XPR1: variants seen among roughly 807,000 people sequenced by gnomAD.
The protein encoded by XPR1 is xenotropic and polytropic retrovirus receptor 1, also known as solute carrier family 53 member 1.
A neutral mutation model predicts 87.5 loss-of-function variants in XPR1; 28 were observed. That is an observed-to-expected ratio of 0.32 (90% CI 0.24 to 0.44). The LOEUF (loss-of-function observed/expected upper bound fraction) is 0.44. XPR1 is among the 20% of genes least tolerant of loss of function. The probability of loss-of-function intolerance (pLI) is 1.00; values close to 1 mark genes in which losing one functional copy is unlikely to be tolerated. For missense variants in XPR1, 559 were observed against 862.3 expected (o/e 0.65, Z 4.41); for synonymous variants, 300 against 306.1 (o/e 0.98, Z 0.21).
At chr1:180,643,693 T>G (rs768997891) in intron 1 of XPR1, among the ~76,000 whole-genome samples, 2 of 152,194 alleles carry the variant, frequency 1.3e-5, no homozygotes, top group Non-Finnish European at 2.9e-5. Flanking sequence ...GTTAAGATAA[T>G]GAACCTAGGT....
intron 9 of XPR1, among the ~76,000 whole-genome samples, chr1:180,831,318 T>A (rs1371734851): frequency 6.6e-6 from 1 of 151,936 alleles, no homozygotes; most frequent in African/African-American, 2.4e-5. Context: ...TGCTTTCAAA[T>A]TCAACTCTTC....
chr1:180,730,728 A>G (rs191162155), intron 2 of XPR1, among the ~76,000 whole-genome samples: 46 of 152,256 alleles, frequency 3.0e-4, no homozygotes, highest in Admixed American at 1.2e-3. Context: ...CAGTGGCACA[A>G]TCACAGCTCA....
At chr1:180,719,233 G>GT (rs1379804548) in intron 2 of XPR1, among the ~76,000 whole-genome samples, 1 of 152,018 alleles carries the variant, frequency 6.6e-6, no homozygotes, top group African/African-American at 2.4e-5. Context: ...CTAGTTAAAT[G>GT]TTTATGTGAT....
At chr1:180,866,290 A>G (rs2102211408) in intron 12 of XPR1, among the ~76,000 whole-genome samples, 1 of 152,334 alleles carries the variant, frequency 6.6e-6, no homozygotes, top group East Asian at 1.9e-4. Context: ...AAAAGTGTGG[A>G]ATCCAGTGGA....
intron 11 of XPR1, among the ~76,000 whole-genome samples, chr1:180,863,063 A>T (rs1277298081): frequency 6.6e-6 from 1 of 152,146 alleles, no homozygotes; most frequent in East Asian, 1.9e-4. Context: ...TAGTGTTCCC[A>T]GCAAATTAGG....
intron 1 of XPR1, among the ~76,000 whole-genome samples, chr1:180,668,865 A>G (rs951512880): frequency 6.6e-6 from 1 of 152,004 alleles, no homozygotes; most frequent in Non-Finnish European, 1.5e-5. Context: ...CGAGGTGGGT[A>G]GATCACTTGA....
chr1:180,769,337 A>G (rs1648408499), intron 2 of XPR1, among the ~76,000 whole-genome samples: 1 of 151,822 alleles, frequency 6.6e-6, no homozygotes, highest in Non-Finnish European at 1.5e-5. Flanking sequence ...TTGCTATCAA[A>G]TAGTAGGTCT....
intron 11 of XPR1, among the ~76,000 whole-genome samples, chr1:180,862,637 C>G (rs1011771890): frequency 1.3e-5 from 2 of 152,068 alleles, no homozygotes; most frequent in Non-Finnish European, 2.9e-5. Flanking sequence ...GTTTCACTCT[C>G]TAGATTATAA....
intron 2 of XPR1, among the ~76,000 whole-genome samples, chr1:180,688,988 A>C (rs2101954582): frequency 6.6e-6 from 1 of 152,322 alleles, no homozygotes; most frequent in East Asian, 1.9e-4. Flanking sequence ...GGAAAGCTTC[A>C]AACTTCATTT....
chr1:180,678,314 A>C (rs1656432010), intron 1 of XPR1, among the ~76,000 whole-genome samples: 1 of 151,862 alleles, frequency 6.6e-6, no homozygotes, highest in Admixed American at 6.6e-5. Context: ...TGGGGCTGAA[A>C]GTTCTAATCC....
In XPR1 at chr1:180,813,339, T is replaced by C. The variant is rs546592786; in HGVS notation, c.763+1851T>C. On this transcript the variant is annotated intron_variant, in intron 7 of 14. Transcript: ENST00000367590. ...TCTACCTAGCTTATTTCATCACTTG[T>C]CTGTATTCAAATGCTACATTCTTAG... Among the ~76,000 whole-genome samples the C allele has an allele frequency of 2.6e-5, 4 of 152,314 alleles. No homozygotes were observed. The South Asian group carries it at 8.3e-4, about 32-fold the overall frequency.
intron 5 of XPR1, 29 bp downstream of exon 5, chr1:180,806,240 A>G: frequency 6.2e-7 from 1 of 1,600,470 alleles, no homozygotes; most frequent in Non-Finnish European, 8.5e-7. Flanking sequence ...TTTACAACGT[A>G]TTTTCAGTTA....
At chr1:180,675,207 C>T (rs1206926743) in intron 1 of XPR1, among the ~76,000 whole-genome samples, 1 of 152,058 alleles carries the variant, frequency 6.6e-6, no homozygotes, top group Non-Finnish European at 1.5e-5. Flanking sequence ...GTGTCTTTCT[C>T]CAAAGATAAT....
At chr1:180,762,105 A>G (rs1180462948) in intron 2 of XPR1, among the ~76,000 whole-genome samples, 2 of 120,310 alleles carry the variant, frequency 1.7e-5, no homozygotes, top group East Asian at 5.5e-4. Context: ...GGATCATCAC[A>G]CTCTGGGGAC....
At chr1:180,693,221 G>C (rs768758391) in intron 2 of XPR1, among the ~76,000 whole-genome samples, 3 of 152,212 alleles carry the variant, frequency 2.0e-5, no homozygotes, top group Non-Finnish European at 2.9e-5. Context: ...AAAGTTGGCA[G>C]AGTTCAAAGT....
chr1:180,748,398 G>GTTTTTTTTTTTTTTTT (rs1647361887), intron 2 of XPR1, among the ~76,000 whole-genome samples: 1 of 56,076 alleles, frequency 1.8e-5, no homozygotes, highest in Non-Finnish European at 3.9e-5. Context: ...TATTATTTAT[G>GTTTTTTTTTTTTTTTT]TCTTTTTTTT....
At chr1:180,652,108 A>G (rs548451024) in intron 1 of XPR1, among the ~76,000 whole-genome samples, 1 of 152,294 alleles carries the variant, frequency 6.6e-6, no homozygotes, top group Non-Finnish European at 1.5e-5. Flanking sequence ...CCTGGTCAAC[A>G]TGGTGAAACC....
At chr1:180,876,627 C>A (rs1399274979) in intron 13 of XPR1, among the ~76,000 whole-genome samples, 3 of 149,692 alleles carry the variant, frequency 2.0e-5, no homozygotes, top group Admixed American at 2.0e-4. Flanking sequence ...CAGAGGGAGA[C>A]CCTGTCTCAA....
In XPR1 at chr1:180,886,028, C is replaced by G. The variant is rs1652997155; in HGVS notation, c.*1962C>G. The G allele has an allele frequency of 6.6e-6, 1 of 151,910 alleles. No individual in the cohort carries two copies. Among genetic ancestry groups the G allele is most frequent in the African/African-American group, 2.4e-5 (1 of 41,342 alleles). The allele number at this position is 151,910 out of a possible 1,614,324, so 9.4% of individuals were successfully genotyped here. A position where few individuals can be genotyped will look rare whatever the true frequency, so the allele number is the denominator to read the frequency against. ...ATCATACAACTTTGTGCTTCTATTG[C>G]TTTTTTGTGTTTTGTTAAGCATGTC... On this transcript the variant is annotated 3_prime_UTR_variant, in exon 15 of 15. Transcript: ENST00000367590.
Sources: allele counts gnomAD v4.1 joint callset (sites outside exome capture counted in the v4.1 genomes callset), GRCh38; gene constraint gnomAD v4.1.1; transcripts MANE v1.5; gene names NCBI Gene and HGNC (gene_info 2026-07-23, HGNC 2026-07-21).